TEX10: variants seen among roughly 807,000 people sequenced by gnomAD.
The protein encoded by TEX10 is testis-expressed protein 10.
In TEX10, 24 loss-of-function variants were observed where a neutral mutation model predicts 104.4. The ratio of observed to expected loss-of-function variants is 0.23; its 90% CI spans 0.17 to 0.32. TEX10 has a LOEUF of 0.32. Ranked by LOEUF, TEX10 falls within the 10% of genes least tolerant of loss-of-function variation. The pLI is 1.00. For synonymous variants in TEX10, 396 were observed against 393.4 expected, an observed-to-expected ratio of 1.01 and a Z score of -0.08; for missense variants, 921 against 1,083.9, an observed-to-expected ratio of 0.85 and a Z score of 2.11.
intron 9 of TEX10, among the ~76,000 whole-genome samples, chr9:100,324,235 G>A (rs113075914): frequency 0.026 from 4,015 of 152,048 alleles, 105 homozygotes; most frequent in Middle Eastern, 0.054. Context: ...GTTTCACCAC[G>A]TTGGCCAGGC....
At chr9:100,306,143 G>A (rs958313690) in intron 13 of TEX10, 2 of 152,114 alleles carry the variant, frequency 1.3e-5, no homozygotes, top group African/African-American at 2.4e-5. Context: ...TCAGTAGGAG[G>A]ATTAAGTAAA....
chr9:100,343,947 C>G (rs1261850291), intron 4 of TEX10, among the ~76,000 whole-genome samples: 1 of 152,094 alleles, frequency 6.6e-6, no homozygotes, highest in Non-Finnish European at 1.5e-5. Flanking sequence ...AAGTTCAAGA[C>G]CAGAATGTGC....
rs1355311618 is a variant in TEX10 at position 100,308,570 on chromosome 9, A to C, written c.2395T>G (p.Ser799Ala). The C allele has an allele frequency of 1.9e-6, 3 of 1,613,292 alleles. No individual in the cohort carries two copies. Among genetic ancestry groups the C allele is most frequent in the Non-Finnish European group, 2.5e-6 (3 of 1,179,594 alleles). The change falls in exon 13 of 15, where the codon TCT (serine) becomes GCT (alanine). Residue 799 changes from serine to alanine, a missense_variant. This residue lies in a region of TEX10 where 753 missense variants were observed against 868.4 expected (regional missense o/e 0.87). Coordinates refer to ENST00000374902, the MANE Select transcript of TEX10 (RefSeq NM_017746.4). ...AAATAAAGAAGACTGTAGCAACAAG[A>C]AGCCAGAAATGGCAGTAGAGTCTCA... is the stretch of plus-strand genomic sequence containing the variant. Reference protein sequence around the residue: ...VSETLLPFLASCCYSLLYFLL... With the variant: ...VSETLLPFLAACCYSLLYFLL...
intron 3 of TEX10, 87 bp from the exon 4 acceptor site, chr9:100,346,402 G>A (rs768813413): frequency 1.9e-5 from 26 of 1,398,324 alleles, no homozygotes; most frequent in Non-Finnish European, 2.4e-5. Flanking sequence ...TAAAGTACTA[G>A]TAAAATGAAG....
chr9:100,308,415 A>G, intron 13 of TEX10, 85 bp downstream of exon 13: 8 of 1,216,954 alleles, frequency 6.6e-6, no homozygotes, highest in Non-Finnish European at 8.9e-6. Context: ...GTATAACCTA[A>G]TTATCTTTAA....
At chr9:100,340,821 T>C (rs1015299025) in intron 4 of TEX10, among the ~76,000 whole-genome samples, 1 of 152,238 alleles carries the variant, frequency 6.6e-6, no homozygotes, top group African/African-American at 2.4e-5. Flanking sequence ...TTCCCTCCTA[T>C]GGAAACACTG....
intron 5 of TEX10, among the ~76,000 whole-genome samples, chr9:100,333,651 A>C (rs1353043583): frequency 6.6e-6 from 1 of 151,570 alleles, no homozygotes. Flanking sequence ...AAAAAAAAAA[A>C]AAAAACCACA....
At chr9:100,338,244 T>G (rs1489940443) in intron 5 of TEX10, among the ~76,000 whole-genome samples, 1 of 152,122 alleles carries the variant, frequency 6.6e-6, no homozygotes, top group Non-Finnish European at 1.5e-5. Context: ...TCAGGTCATT[T>G]GCAGTTCATT....
intron 11 of TEX10, among the ~76,000 whole-genome samples, chr9:100,318,452 A>G (rs1352706938): frequency 1.3e-5 from 2 of 152,172 alleles, no homozygotes; most frequent in Non-Finnish European, 2.9e-5. Flanking sequence ...CATACAATAG[A>G]GACTCAAAAA....
At chr9:100,302,362 CAG>C in intron 14 of TEX10, 58 bp from the exon 15 acceptor site, 1 of 1,215,164 alleles carries the variant, frequency 8.2e-7, no homozygotes, top group Non-Finnish European at 1.2e-6. Context: ...TGCTACCTGA[CAG>C]TATTTTTCAC....
Position 100,310,699 on chromosome 9 carries a change from A to C in TEX10, c.2203-320T>G, listed in dbSNP as rs549532579. ...GCAACCCACCTACCTCAAGACTCCCAAAGTGCTAAGATCACAGGTGTGAGC... is the reference window on the plus strand; with the variant it reads ...GCAACCCACCTACCTCAAGACTCCCCAAGTGCTAAGATCACAGGTGTGAGC... On this transcript the variant is annotated intron_variant, in intron 11 of 14. Transcript: ENST00000374902. Among the ~76,000 whole-genome samples, 12 of 152,328 alleles carry C rather than the reference A, an allele frequency of 7.9e-5. No homozygotes were observed. In the South Asian group the frequency reaches 2.5e-3, roughly 32 times the overall value.
At chr9:100,315,042 A>C (rs1834381037) in intron 11 of TEX10, among the ~76,000 whole-genome samples, 2 of 152,206 alleles carry the variant, frequency 1.3e-5, no homozygotes, top group Admixed American at 1.3e-4. Context: ...TTAATGCAAA[A>C]CGATGTATTT....
chr9:100,332,117 A>C (rs1834877701), intron 5 of TEX10, among the ~76,000 whole-genome samples: 4 of 152,248 alleles, frequency 2.6e-5, no homozygotes, highest in Admixed American at 2.6e-4. Context: ...TACAAGTCTG[A>C]CACTGGAAGA....
intron 10 of TEX10, 55 bp from the exon 11 acceptor site, chr9:100,320,453 G>A: frequency 6.6e-7 from 1 of 1,517,652 alleles, no homozygotes; most frequent in Non-Finnish European, 8.9e-7. Flanking sequence ...AAAAAACAAT[G>A]ACTTTCTTAA....
intron 2 of TEX10, among the ~76,000 whole-genome samples, chr9:100,348,116 C>CA (rs1370765213): frequency 6.6e-6 from 1 of 152,224 alleles, no homozygotes. Context: ...CTACAAGCTA[C>CA]ATACAACCTG....
chr9:100,351,363 TA>T (rs1256736962), intron 1 of TEX10, among the ~76,000 whole-genome samples: 1 of 23,518 alleles, frequency 4.3e-5, no homozygotes, highest in East Asian at 1.7e-3. Context: ...ACCTTAGTCT[TA>T]AAAAACAAAA....
chr9:100,346,761 G>T lies in TEX10; in HGVS notation c.826C>A (p.Gln276Lys). Residue 276 changes from glutamine (Q) to lysine (K), a missense_variant, in exon 3 of 15, where the codon CAG becomes AAG. Around this residue, in one of 3 missense-constraint regions of TEX10, gnomAD observed 753 missense variants for 868.4 expected, o/e 0.87. Transcript: ENST00000374902. ...TTTTCATAAACCTGGATGTGTTGCT[G>T]GTCGTTGGCATGTTCCTTCCAGTTG... Reference protein sequence around the residue: ...FINWKEHANDQQHIQVYENGG... With the variant: ...FINWKEHANDKQHIQVYENGG... 6.2e-7 allele frequency: 1 copy of T among 1,614,098 alleles called. No homozygotes were observed. Among genetic ancestry groups the T allele is most frequent in the Non-Finnish European group, 8.5e-7 (1 of 1,179,980 alleles).
rs577200366 is a variant in TEX10 at position 100,317,561 on chromosome 9, G to A, written c.2202+2704C>T. Reference sequence around the variant, plus strand: ...TAAGAATCTACAGAAAACTCTTCTGGACATTGATCTAGACAAATAATTCAT... The same window carrying A: ...TAAGAATCTACAGAAAACTCTTCTGAACATTGATCTAGACAAATAATTCAT... On this transcript the variant is annotated intron_variant, in intron 11 of 14. Transcript: ENST00000374902. Among the ~76,000 whole-genome samples the A allele has an allele frequency of 7.2e-5, 11 of 152,200 alleles. No individual in the cohort carries two copies. The South Asian group carries it at 2.3e-3, about 32-fold the overall frequency.
intron 4 of TEX10, among the ~76,000 whole-genome samples, chr9:100,341,164 C>T (rs993725214): frequency 6.6e-6 from 1 of 152,164 alleles, no homozygotes; most frequent in Non-Finnish European, 1.5e-5. Context: ...CTGGGTTTCA[C>T]CATGTTGACC....
Sources: allele counts gnomAD v4.1 joint callset (sites outside exome capture counted in the v4.1 genomes callset), GRCh38; gene constraint gnomAD v4.1.1; regional missense constraint gnomAD v4.1.1; transcripts MANE v1.5; gene names NCBI Gene and HGNC (gene_info 2026-07-23, HGNC 2026-07-21).